NPAS2: variants seen among roughly 807,000 people sequenced by gnomAD.
The protein encoded by NPAS2 is neuronal PAS domain-containing protein 2.
Under a neutral mutation model 107.5 loss-of-function variants are expected in NPAS2, and 23 were observed. That is an observed-to-expected ratio of 0.21 (90% CI 0.15 to 0.30). The LOEUF is 0.30. Among genes scored for constraint, NPAS2 ranks in the 10% least tolerant of loss-of-function variants. The pLI is 1.00. For missense variants in NPAS2, 756 were observed against 1,043.3 expected, an observed-to-expected ratio of 0.72 and a Z score of 3.79; for synonymous variants, 403 against 417.5, an observed-to-expected ratio of 0.97 and a Z score of 0.42.
At chr2:100,980,672 T>C (rs1291175211) in intron 15 of NPAS2, among the ~76,000 whole-genome samples, 1 of 152,134 alleles carries the variant, frequency 6.6e-6, no homozygotes, top group Non-Finnish European at 1.5e-5. Flanking sequence ...GGTTTTGCCA[T>C]GTTGGCCAGG....
rs182611922 is a variant in NPAS2, at chr2:100,992,824, C to T, written c.2112-523C>T. On this transcript the variant is annotated intron_variant, in intron 19 of 20. Transcript: ENST00000335681. ...AGGCATTCTTTATATATTCTGTTAT[C>T]GGTCTCTTATTAGATATGTGATGTG... Among the ~76,000 whole-genome samples the T allele has an allele frequency of 1.5e-3, 227 of 152,228 alleles. 1 individual carries two copies. Among genetic ancestry groups the T allele is most frequent in the African/African-American group, 5.1e-3 (213 of 41,536 alleles).
chr2:100,887,823 G>A (rs932790922), intron 1 of NPAS2, among the ~76,000 whole-genome samples: 1 of 152,114 alleles, frequency 6.6e-6, no homozygotes, highest in East Asian at 1.9e-4. Flanking sequence ...TGCCGGCACC[G>A]CCCCTCTCCG....
At chr2:100,873,307 T>TATATATACACAC (rs1280164445) in intron 1 of NPAS2, among the ~76,000 whole-genome samples, 31 of 41,880 alleles carry the variant, frequency 7.4e-4, no homozygotes, top group East Asian at 1.5e-3. Context: ...TATATATATA[T>TATATATACACAC]ACACACACAC....
intron 5 of NPAS2, 123 bp from the exon 6 acceptor site, chr2:100,948,112 C>A: frequency 9.5e-7 from 1 of 1,056,888 alleles, no homozygotes; most frequent in South Asian, 1.4e-5. Flanking sequence ...CACAGAAAAT[C>A]AGATATTGAA....
chr2:100,831,655 C>T (rs1345290542), intron 1 of NPAS2, among the ~76,000 whole-genome samples: 1 of 152,160 alleles, frequency 6.6e-6, no homozygotes, highest in Non-Finnish European at 1.5e-5. Context: ...CCCCTTTCCC[C>T]TTCATAGCAT....
chr2:100,864,801 A>G (rs1679157418), intron 1 of NPAS2, among the ~76,000 whole-genome samples: 1 of 152,184 alleles, frequency 6.6e-6, no homozygotes, highest in African/African-American at 2.4e-5. Context: ...AATCCCAAAG[A>G]GGTTTTGTTT....
chr2:100,876,560 G>C (rs1382150910), intron 1 of NPAS2, among the ~76,000 whole-genome samples: 5 of 152,224 alleles, frequency 3.3e-5, no homozygotes. Context: ...CTGCCCAGCT[G>C]TATTTGGAGA....
chr2:100,878,258 G>A (rs1006426974), intron 1 of NPAS2: 6 of 985,288 alleles, frequency 6.1e-6, no homozygotes, highest in East Asian at 1.1e-4. Flanking sequence ...AGGACTGTCC[G>A]AGGAGCTCGG....
intron 1 of NPAS2, among the ~76,000 whole-genome samples, chr2:100,895,007 T>TCTAA (rs1351481311): frequency 6.6e-6 from 1 of 152,232 alleles, no homozygotes; most frequent in Non-Finnish European, 1.5e-5. Flanking sequence ...GGAGTCTTTC[T>TCTAA]CTAAGATGGA....
chr2:100,990,951 C>T (rs1678084056), intron 19 of NPAS2, 79 bp downstream of exon 19: 2 of 1,178,078 alleles, frequency 1.7e-6, no homozygotes, highest in East Asian at 2.5e-5. Flanking sequence ...CCGCCTGGGC[C>T]AGCAGCACTC....
chr2:100,848,954 G>C (rs1204879751), intron 1 of NPAS2, among the ~76,000 whole-genome samples: 1 of 152,208 alleles, frequency 6.6e-6, no homozygotes. Context: ...GCATGGGCCA[G>C]GAGGACAGCC....
intron 4 of NPAS2, among the ~76,000 whole-genome samples, chr2:100,937,282 C>T (rs557020873): frequency 6.6e-6 from 1 of 152,304 alleles, no homozygotes; most frequent in African/African-American, 2.4e-5. Context: ...CCTGCCTTGG[C>T]CAACAGGCAC....
At chr2:100,962,231 G>T (rs1391301762) in intron 7 of NPAS2, among the ~76,000 whole-genome samples, 1 of 152,066 alleles carries the variant, frequency 6.6e-6, no homozygotes, top group African/African-American at 2.4e-5. Context: ...TGAATTCAGA[G>T]AATATGTTTG....
At chr2:100,979,768 G>A (rs1365183900) in intron 15 of NPAS2, among the ~76,000 whole-genome samples, 44 of 152,004 alleles carry the variant, frequency 2.9e-4, no homozygotes, top group Non-Finnish European at 1.5e-5. Flanking sequence ...GACCTCAGGT[G>A]ATCCGCCCAC....
chr2:100,947,102 T>G lies in NPAS2; in HGVS notation c.364-1133T>G, dbSNP rs181512756. Among the ~76,000 whole-genome samples, 495 of 152,194 alleles carry G rather than the reference T, an allele frequency of 3.3e-3. 3 individuals are homozygous for G. The highest frequency in any genetic ancestry group is 3.0e-3 in the Non-Finnish European group (203 of 68,006). ...TTGGCTGGATATTCAAACCTGAAAG[T>G]GTATACAGATTGTGTTTGAAGCTGT... On this transcript the variant is annotated intron_variant, in intron 5 of 20. Coordinates refer to ENST00000335681, the MANE Select transcript of NPAS2 (RefSeq NM_002518.4).
intron 4 of NPAS2, chr2:100,935,175 C>T (rs1160029450): frequency 1.3e-5 from 11 of 851,506 alleles, no homozygotes; most frequent in Non-Finnish European, 1.6e-5. Flanking sequence ...AGCATTGGAG[C>T]AGTTGCACTC....
At chr2:100,854,045 G>A (rs905967308) in intron 1 of NPAS2, among the ~76,000 whole-genome samples, 1 of 151,456 alleles carries the variant, frequency 6.6e-6, no homozygotes, top group Admixed American at 6.6e-5. Context: ...AGTTACTCGG[G>A]AGGCTGAGGT....
At position 100,917,515 on chromosome 2, in the gene NPAS2, C is replaced by T. The variant is rs148246474; in HGVS notation, c.33-7631C>T. Among the ~76,000 whole-genome samples the T allele has an allele frequency of 8.4e-4, 127 of 151,674 alleles. 4 individuals carry two copies. In the East Asian group the frequency reaches 0.014, roughly 16 times the overall value. On this transcript the variant is annotated intron_variant, in intron 2 of 20. Transcript: ENST00000335681. Reference sequence around the variant, plus strand: ...TGCACTTCAGCCTGGGTGACAAGAGCGAAACTCCATCTAAAAAAATAATAA... The same window carrying T: ...TGCACTTCAGCCTGGGTGACAAGAGTGAAACTCCATCTAAAAAAATAATAA...
At chr2:100,921,007 C>T (rs1373116662) in intron 2 of NPAS2, among the ~76,000 whole-genome samples, 1 of 152,252 alleles carries the variant, frequency 6.6e-6, no homozygotes, top group Non-Finnish European at 1.5e-5. Context: ...GTGTGTGGCA[C>T]TGTTTCTCTG....
Sources: gnomAD v4.1 joint callset for allele counts (sites outside exome capture counted in the v4.1 genomes callset) on GRCh38, gnomAD v4.1.1 for gene constraint, MANE v1.5 for transcripts, NCBI Gene and HGNC (gene_info 2026-07-23, HGNC 2026-07-21) for gene names.